TMEM117: variants seen among roughly 807,000 people sequenced by gnomAD.
TMEM117 encodes the protein transmembrane protein 117.
TMEM117 carries 27 observed loss-of-function variants against 52.4 expected under a neutral mutation model. The ratio of observed to expected loss-of-function variants is 0.51; its 90% CI spans 0.38 to 0.71. The LOEUF is 0.71. Among genes scored for constraint, TMEM117 ranks in the 30% least tolerant of loss-of-function variants. The pLI, the probability that TMEM117 is intolerant of heterozygous loss-of-function variation, is 0.00. For missense variants in TMEM117, 556 were observed against 630.5 expected (o/e 0.88, Z 1.26); for synonymous variants, 215 against 206.3 (o/e 1.04, Z -0.36).
intron 3 of TMEM117, among the ~76,000 whole-genome samples, chr12:44,075,927 T>C (rs915205062): frequency 6.6e-6 from 1 of 152,190 alleles, no homozygotes; most frequent in African/African-American, 2.4e-5. Context: ...TGGGATAGCA[T>C]CAGTGCCATA....
chr12:44,355,587 A>T (rs1224889195), intron 6 of TMEM117, among the ~76,000 whole-genome samples: 3 of 152,156 alleles, frequency 2.0e-5, no homozygotes. Flanking sequence ...GCTTGATATA[A>T]ATTCAATGCT....
At chr12:44,319,783 C>G (rs946771972) in intron 6 of TMEM117, among the ~76,000 whole-genome samples, 1 of 152,128 alleles carries the variant, frequency 6.6e-6, no homozygotes, top group African/African-American at 2.4e-5. Flanking sequence ...ATTTAAAATT[C>G]ATTCTTTGGT....
intron 2 of TMEM117, among the ~76,000 whole-genome samples, chr12:43,901,150 C>G (rs763267412): frequency 6.6e-6 from 1 of 152,052 alleles, no homozygotes; most frequent in African/African-American, 2.4e-5. Context: ...CAAAATGAGT[C>G]GACTTTTAAG....
At chr12:44,351,953 G>A (rs1443057983) in intron 6 of TMEM117, among the ~76,000 whole-genome samples, 1 of 151,862 alleles carries the variant, frequency 6.6e-6, no homozygotes, top group Non-Finnish European at 1.5e-5. Flanking sequence ...TTAAAAAAAA[G>A]CTGAAATTGC....
Position 43,865,846 on chromosome 12 carries a change from T to C in TMEM117, c.277+20918T>C, listed in dbSNP as rs527320646. ...AAATCAGGCCTTCACCAATTTGAAA[T>C]GATTAGCCAATAATTAATAATAATT... On this transcript the variant is annotated intron_variant, in intron 2 of 7. Coordinates refer to ENST00000266534, the MANE Select transcript of TMEM117 (RefSeq NM_032256.3). Among the ~76,000 whole-genome samples, 281 of 151,952 alleles carry C rather than the reference T, an allele frequency of 1.8e-3. 7 individuals carry two copies. Among genetic ancestry groups the C allele is most frequent in the African/African-American group, 6.4e-3 (266 of 41,250 alleles).
chr12:44,199,446 T>A (rs1183994451), intron 4 of TMEM117, among the ~76,000 whole-genome samples: 3 of 152,188 alleles, frequency 2.0e-5, no homozygotes, highest in African/African-American at 7.2e-5. Flanking sequence ...ACCTAAAATA[T>A]TGTTCCTGAT....
At chr12:44,368,818 C>T (rs977966336) in intron 6 of TMEM117, among the ~76,000 whole-genome samples, 1 of 152,074 alleles carries the variant, frequency 6.6e-6, no homozygotes, top group Non-Finnish European at 1.5e-5. Flanking sequence ...TAACTTTGTT[C>T]CACTAGATTT....
At chr12:43,797,592 T>C in the TMEM117 span, 2 of 1,440,936 alleles carry the variant, frequency 1.4e-6, no homozygotes, top group African/African-American at 2.9e-5. Flanking sequence ...ATTTACAAAA[T>C]GAATTTTAGA....
At chr12:44,136,191 T>A (rs184021586) in intron 3 of TMEM117, among the ~76,000 whole-genome samples, 63 of 152,274 alleles carry the variant, frequency 4.1e-4, no homozygotes, top group African/African-American at 1.4e-3. Flanking sequence ...CCTTTGGGGA[T>A]TTATTGGGGT....
intron 3 of TMEM117, among the ~76,000 whole-genome samples, chr12:44,016,129 C>G (rs886123777): frequency 1.3e-5 from 2 of 152,144 alleles, no homozygotes; most frequent in Non-Finnish European, 2.9e-5. Context: ...GGGGTTCATA[C>G]GGTTCTGCCT....
intron 2 of TMEM117, among the ~76,000 whole-genome samples, chr12:43,899,971 A>G (rs1332322781): frequency 6.6e-6 from 1 of 152,196 alleles, no homozygotes; most frequent in Non-Finnish European, 1.5e-5. Flanking sequence ...ATTGGTAAGC[A>G]TTCAGTGAGT....
At chr12:43,855,605 T>G (rs911684981) in intron 2 of TMEM117, among the ~76,000 whole-genome samples, 4 of 152,236 alleles carry the variant, frequency 2.6e-5, no homozygotes, top group Admixed American at 6.5e-5. Context: ...CTGTTTTAGT[T>G]TGAAACAGGA....
intron 4 of TMEM117, among the ~76,000 whole-genome samples, chr12:44,146,844 A>G (rs1016735820): frequency 2.0e-5 from 3 of 152,212 alleles, no homozygotes; most frequent in Admixed American, 6.5e-5. Flanking sequence ...TGTCTTTTAT[A>G]TATTTCTGAA....
At chr12:44,098,463 A>G (rs1321799006) in intron 3 of TMEM117, among the ~76,000 whole-genome samples, 2 of 152,054 alleles carry the variant, frequency 1.3e-5, no homozygotes, top group African/African-American at 4.8e-5. Flanking sequence ...TTCTGATCAT[A>G]ATTTGGATTC....
intron 3 of TMEM117, among the ~76,000 whole-genome samples, chr12:43,981,174 C>G (rs1380673370): frequency 6.6e-6 from 1 of 152,150 alleles, no homozygotes; most frequent in African/African-American, 2.4e-5. Context: ...TACACCATGT[C>G]TAGCACATTT....
the TMEM117 span, among the ~76,000 whole-genome samples, chr12:43,826,320 ATTAAC>A: frequency 6.6e-6 from 1 of 152,218 alleles, no homozygotes; most frequent in African/African-American, 2.4e-5. Context: ...TTTCACATGT[ATTAAC>A]TTAATCTTTT....
At chr12:43,997,875 A>C (rs1946056938) in intron 3 of TMEM117, among the ~76,000 whole-genome samples, 2 of 152,192 alleles carry the variant, frequency 1.3e-5, no homozygotes, top group African/African-American at 2.4e-5. Flanking sequence ...CCAAGATCAC[A>C]TACCTAGTAA....
At chr12:44,243,734 A>G (rs1950093425) in intron 5 of TMEM117, among the ~76,000 whole-genome samples, 2 of 151,728 alleles carry the variant, frequency 1.3e-5, no homozygotes, top group African/African-American at 2.4e-5. Flanking sequence ...TATTCCTCCT[A>G]ACTGAAACTT....
intron 5 of TMEM117, among the ~76,000 whole-genome samples, chr12:44,281,472 T>C (rs1305542363): frequency 6.6e-6 from 1 of 152,198 alleles, no homozygotes; most frequent in Non-Finnish European, 1.5e-5. Context: ...TTCTTAGCCT[T>C]GATTTATGTA....
Sources: gnomAD v4.1 joint callset for allele counts (sites outside exome capture counted in the v4.1 genomes callset) on GRCh38, gnomAD v4.1.1 for gene constraint, MANE v1.5 for transcripts, NCBI Gene and HGNC (gene_info 2026-07-23, HGNC 2026-07-21) for gene names.